Variants in NYAP1 observed in about 807,000 individuals in gnomAD.
The protein encoded by NYAP1 is neuronal tyrosine phosphorylated phosphoinositide-3-kinase adaptor 1.
NYAP1 carries 20 observed loss-of-function variants against 58.6 expected under a neutral mutation model. The observed-to-expected ratio is 0.34, with a 90% CI of 0.24 to 0.50. The LOEUF is 0.50. NYAP1 is among the 20% of genes least tolerant of loss of function. The probability of loss-of-function intolerance (pLI) is 0.98; values close to 1 mark genes in which losing one functional copy is unlikely to be tolerated. For missense variants in NYAP1, 1,150 were observed against 1,194.5 expected, an observed-to-expected ratio of 0.96 and a Z score of 0.55; for synonymous variants, 572 against 523.1, an observed-to-expected ratio of 1.09 and a Z score of -1.27.
chr7:100,490,765 C>T lies in NYAP1; in HGVS notation c.2158+36C>T. ...CTGCACACACCTGTGCACAGCGGGGCTGGCTGGGGGATCTCCCGGGGTCTA... is the reference window on the plus strand; with the variant it reads ...CTGCACACACCTGTGCACAGCGGGGTTGGCTGGGGGATCTCCCGGGGTCTA... On this transcript the variant is annotated intron_variant, in intron 5 of 6. Coordinates refer to ENST00000300179, the MANE Select transcript of NYAP1 (RefSeq NM_173564.4). This position sits in a 1 kb window ranked among gnomAD's most constrained non-coding sequence, Gnocchi z 4.6. 4 of 1,461,044 alleles carry T rather than the reference C, an allele frequency of 2.7e-6. No homozygotes were observed. The highest frequency in any genetic ancestry group is 3.6e-6 in the Non-Finnish European group (4 of 1,100,046). The allele number at this position is 1,461,044 out of a possible 1,614,324, so 90.5% of individuals were successfully genotyped here.
Position 100,488,597 on chromosome 7 carries a change from T to C in NYAP1, c.876T>C (p.Pro292=). 1.9e-6 allele frequency: 3 copies of C among 1,610,720 alleles called. No individual in the cohort carries two copies. Among genetic ancestry groups the C allele is most frequent in the Non-Finnish European group, 2.5e-6 (3 of 1,179,084 alleles). The change falls in exon 4 of 7, where the codon CCT becomes CCC. Residue 292 remains proline, a synonymous_variant. Transcript: ENST00000300179. The surrounding 1 kb of genome is among the most constrained non-coding windows in gnomAD (Gnocchi z 5.9). ...PLTATSPPQQ[P]HALPPHAHRR... ...CGGCAACATCCCCGCCACAACAGCCTCACGCCCTTCCGCCCCATGCCCACC... is the reference window on the plus strand; with the variant it reads ...CGGCAACATCCCCGCCACAACAGCCCCACGCCCTTCCGCCCCATGCCCACC...
At position 100,487,019 on chromosome 7, in the gene NYAP1, C is replaced by G. The variant is rs756607233; in HGVS notation, c.267C>G (p.Gly89=). Residue 89 remains glycine, a synonymous_variant, in exon 3 of 7, where the codon GGC becomes GGG. Coordinates refer to ENST00000300179, the MANE Select transcript of NYAP1 (RefSeq NM_173564.4). The surrounding 1 kb of genome is among the most constrained non-coding windows in gnomAD (Gnocchi z 4.1). ...APRSLSCHSV[G]SMDSVGGGPG... is the part of the protein sequence containing the mutation. ...GCTCCCTCTCCTGCCACTCGGTGGG[C>G]AGCATGGACAGTGTCGGGGGTGGCC... The G allele has an allele frequency of 6.2e-7, 1 of 1,608,222 alleles. No homozygotes were observed.
rs199772550 is a variant in NYAP1 at position 100,489,435 on chromosome 7, G to T, written c.1714G>T (p.Val572Leu). 177 of 1,612,832 alleles carry T rather than the reference G, an allele frequency of 1.1e-4. 2 individuals carry two copies. The highest frequency in any genetic ancestry group is 3.3e-5 in the Admixed American group (2 of 59,974). ...PAYESLKAGG[V>L]LNKGCGVGAP... Reference sequence around the variant, plus strand: ...CTATGAGAGCCTCAAGGCTGGGGGGGTGCTGAATAAGGGCTGTGGTGTGGG... The same window carrying T: ...CTATGAGAGCCTCAAGGCTGGGGGGTTGCTGAATAAGGGCTGTGGTGTGGG... The change falls in exon 4 of 7, where the codon GTG (valine) becomes TTG (leucine). Residue 572 changes from valine (V) to leucine (L), a missense_variant. By Grantham distance (32) the Val-to-Leu change is conservative. Transcript: ENST00000300179.
At chr7:100,492,286 A>G (rs983997291) in intron 6 of NYAP1, among the ~76,000 whole-genome samples, 1 of 150,876 alleles carries the variant, frequency 6.6e-6, no homozygotes, top group African/African-American at 2.4e-5. Flanking sequence ...GCCAGCGCAG[A>G]CAGCGGGAAC....
Position 100,485,527 on chromosome 7 carries a change from A to G in NYAP1, c.68+148A>G, listed in dbSNP as rs1003029772. 20 of 650,382 alleles carry G rather than the reference A, an allele frequency of 3.1e-5. No individual in the cohort carries two copies. Among genetic ancestry groups the G allele is most frequent in the Non-Finnish European group, 3.3e-5 (12 of 366,056 alleles). 40.3% of individuals were successfully genotyped at this position (650,382 alleles called of 1,614,324 possible). On this transcript the variant is annotated intron_variant, in intron 2 of 6. Transcript: ENST00000300179. This position sits in a 1 kb window ranked among gnomAD's most constrained non-coding sequence, Gnocchi z 5.7. ...GTACGGAATGGCCAGGATTGCACAC[A>G]CTGTCCTGGCCCAACTCCTGCTCTC...
rs1469590034 is a variant in NYAP1 at position 100,490,666 on chromosome 7, G to A, written c.2095G>A (p.Gly699Arg). The change falls in exon 5 of 7, where the codon GGA becomes AGA. Residue 699 changes from glycine to arginine, a missense_variant. Gly to Arg is a moderately radical substitution (Grantham distance 125). Transcript: ENST00000300179. The surrounding 1 kb of genome is among the most constrained non-coding windows in gnomAD (Gnocchi z 4.6). Reference protein sequence around the residue: ...LLARIHHGDRGGSRTALPIPC... With the variant: ...LLARIHHGDRRGSRTALPIPC... ...GGCCAGGATCCACCATGGAGACCGA[G>A]GAGGGAGCCGCACCGCGCTGCCCAT... The A allele has an allele frequency of 1.3e-6, 2 of 1,562,138 alleles. No individual in the cohort carries two copies. Among genetic ancestry groups the A allele is most frequent in the Admixed American group, 3.9e-5 (2 of 51,698 alleles).
rs1156555905 is a variant in NYAP1, at chr7:100,488,280, C to G, written c.559C>G (p.Arg187Gly). ...DESCPPGPSP[R>G]GGNLPLQRLT... ...GTCCTGCCCCCCAGGCCCCTCTCCT[C>G]GAGGGGGGAACCTGCCTCTTCAGCG... Residue 187 changes from arginine to glycine, a missense_variant, in exon 4 of 7, where the codon CGA (arginine) becomes GGA (glycine). Arg to Gly is a moderately radical substitution (Grantham distance 125, BLOSUM62 -2). Coordinates refer to ENST00000300179, the MANE Select transcript of NYAP1 (RefSeq NM_173564.4). The surrounding 1 kb of genome is among the most constrained non-coding windows in gnomAD (Gnocchi z 5.9). The G allele has an allele frequency of 6.2e-7, 1 of 1,613,716 alleles. No homozygotes were observed. The highest frequency in any genetic ancestry group is 8.5e-7 in the Non-Finnish European group (1 of 1,179,820).
intron 6 of NYAP1, among the ~76,000 whole-genome samples, chr7:100,491,394 C>T (rs60478351): frequency 0.21 from 31,150 of 151,898 alleles, 3,404 homozygotes; most frequent in African/African-American, 0.26. Context: ...CCCAGGAGGT[C>T]GAGACCAGCC....
rs1035637400 is a variant in NYAP1 at position 100,488,205 on chromosome 7, C to A, written c.484C>A (p.Gln162Lys). Reference protein sequence around the residue: ...GRESSRKVPPQKPRRSPNTQL... With the variant: ...GRESSRKVPPKKPRRSPNTQL... ...AGAGTCCAGCCGGAAGGTTCCTCCG[C>A]AGAAGCCCAGGCGAAGCCCTAACAC... Residue 162 changes from glutamine to lysine, a missense_variant, in exon 4 of 7, where the codon CAG becomes AAG. Gln to Lys is a moderately conservative substitution (Grantham distance 53). Coordinates refer to ENST00000300179, the MANE Select transcript of NYAP1 (RefSeq NM_173564.4). The surrounding 1 kb of genome is among the most constrained non-coding windows in gnomAD (Gnocchi z 5.9). The A allele has an allele frequency of 8.1e-6, 13 of 1,612,626 alleles. No individual in the cohort carries two copies. Among genetic ancestry groups the A allele is most frequent in the Non-Finnish European group, 1.1e-5 (13 of 1,179,460 alleles).
At position 100,485,409 on chromosome 7, in the gene NYAP1, C is replaced by T; in HGVS notation, c.68+30C>T. 2 of 1,534,334 alleles carry T rather than the reference C, an allele frequency of 1.3e-6. No individual in the cohort carries two copies. The highest frequency in any genetic ancestry group is 1.8e-6 in the Non-Finnish European group (2 of 1,124,116). ...GGCTGCACCCCAGACTGCTCCCTTCCCTTCCGCACCTCTGCCTGCCCCCTC... is the reference window on the plus strand; with the variant it reads ...GGCTGCACCCCAGACTGCTCCCTTCTCTTCCGCACCTCTGCCTGCCCCCTC... On this transcript the variant is annotated intron_variant, in intron 2 of 6. Coordinates refer to ENST00000300179, the MANE Select transcript of NYAP1 (RefSeq NM_173564.4). The surrounding 1 kb of genome is among the most constrained non-coding windows in gnomAD (Gnocchi z 5.7).
rs1799692022 is a variant in NYAP1, at chr7:100,485,493, TCA to T, written c.68+115_68+116del. ...CTTGTCATGAGTGAGCTCTCTGATC[TCA>T]GAGTCAGTACGGAATGGCCAGGATT... On this transcript the variant is annotated intron_variant, in intron 2 of 6. Coordinates refer to ENST00000300179, the MANE Select transcript of NYAP1 (RefSeq NM_173564.4). The surrounding 1 kb of genome is among the most constrained non-coding windows in gnomAD (Gnocchi z 5.7). The T allele has an allele frequency of 6.5e-6, 5 of 771,196 alleles. No individual in the cohort carries two copies. Among genetic ancestry groups the T allele is most frequent in the Non-Finnish European group, 6.6e-6 (3 of 457,918 alleles). 47.8% of individuals were successfully genotyped at this position (771,196 alleles called of 1,614,324 possible).
chr7:100,484,675 C>T (rs1799681628), intron 1 of NYAP1, among the ~76,000 whole-genome samples: 2 of 152,120 alleles, frequency 1.3e-5, no homozygotes, highest in African/African-American at 2.4e-5. Flanking sequence ...ACCATCTCCC[C>T]TTTTCCCAGT....
rs981502252 is a variant in NYAP1, at chr7:100,485,254, C to G, written c.-58C>G. 3 of 1,095,700 alleles carry G rather than the reference C, an allele frequency of 2.7e-6. No individual in the cohort carries two copies. The African/African-American group carries it at 4.7e-5, about 17-fold the overall frequency. The allele number at this position is 1,095,700 out of a possible 1,614,324, so 67.9% of individuals were successfully genotyped here. A position where few individuals can be genotyped will look rare whatever the true frequency, so the allele number is the denominator to read the frequency against. ...GGATCCGGGACCCAGGGAGGGCCGC[C>G]CCCCGGGCCTGGTGGCACTGAGCAG... is the stretch of plus-strand genomic sequence containing the variant. On this transcript the variant is annotated 5_prime_UTR_variant, in exon 2 of 7. Transcript: ENST00000300179. This position sits in a 1 kb window ranked among gnomAD's most constrained non-coding sequence, Gnocchi z 5.7.
At position 100,493,876 on chromosome 7, in the gene NYAP1, C is replaced by G. The variant is rs1288889827; in HGVS notation, c.2499C>G (p.His833Gln). Reference sequence around the variant, plus strand: ...GCACCCCGCCCTGCCGCCGGCAGCACACGGTCCTCTGGGACACCGCCATCT... The same window carrying G: ...GCACCCCGCCCTGCCGCCGGCAGCAGACGGTCCTCTGGGACACCGCCATCT... ...KSGTPPCRRQ[H>Q]TVLWDTAI The change falls in exon 7 of 7, where the codon CAC becomes CAG. Residue 833 changes from histidine (H) to glutamine (Q), a missense_variant. Transcript: ENST00000300179. 7.9e-6 allele frequency: 12 copies of G among 1,513,060 alleles called. No homozygotes were observed. Among genetic ancestry groups the G allele is most frequent in the Non-Finnish European group, 9.7e-6 (11 of 1,134,424 alleles). The allele number at this position is 1,513,060 out of a possible 1,614,324, so 93.7% of individuals were successfully genotyped here.
intron 1 of NYAP1, among the ~76,000 whole-genome samples, chr7:100,484,536 A>C (rs1799679409): frequency 6.6e-6 from 1 of 152,098 alleles, no homozygotes. Context: ...GGGGGAAGGC[A>C]GGCAGTGGAG....
In NYAP1 at chr7:100,489,029, G is replaced by A. The variant is rs1041164228; in HGVS notation, c.1308G>A (p.Ala436=). The A allele has an allele frequency of 2.5e-5, 39 of 1,548,498 alleles. No homozygotes were observed. The highest frequency in any genetic ancestry group is 3.2e-5 in the Non-Finnish European group (37 of 1,152,302). ...ACAGCATGATCTGCCCTAAGGCGGC[G>A]GGGGCGCCGGCAGCCCCCCCTGCCC... ...NSHSMICPKA[A]GAPAAPPAPA... The change falls in exon 4 of 7, where the codon GCG becomes GCA. Residue 436 remains alanine, a synonymous_variant. Coordinates refer to ENST00000300179, the MANE Select transcript of NYAP1 (RefSeq NM_173564.4).
rs1799713225 is a variant in NYAP1, at chr7:100,487,004, C to T, written c.252C>T (p.Ser84=). Residue 84 remains serine, a synonymous_variant, in exon 3 of 7, where the codon TCC becomes TCT. Coordinates refer to ENST00000300179, the MANE Select transcript of NYAP1 (RefSeq NM_173564.4). This position sits in a 1 kb window ranked among gnomAD's most constrained non-coding sequence, Gnocchi z 4.1. The part of the protein sequence containing the change: ...CRSAMAPRSL[S]CHSVGSMDSV... ...GCGCCATGGCCCCACGCTCCCTCTC[C>T]TGCCACTCGGTGGGCAGCATGGACA... 1.9e-6 allele frequency: 3 copies of T among 1,609,586 alleles called. No individual in the cohort carries two copies. The highest frequency in any genetic ancestry group is 2.5e-6 in the Non-Finnish European group (3 of 1,178,288).
Position 100,487,438 on chromosome 7 carries a change from C to T in NYAP1, c.430+256C>T, listed in dbSNP as rs1220314911. On this transcript the variant is annotated intron_variant, in intron 3 of 6. Coordinates refer to ENST00000300179, the MANE Select transcript of NYAP1 (RefSeq NM_173564.4). This position sits in a 1 kb window ranked among gnomAD's most constrained non-coding sequence, Gnocchi z 4.1. ...ACAATGAAGGTAGGAGCTGCGAATTCTGGAGAATACGTTAGAAAGACTGAG... is the reference window on the plus strand; with the variant it reads ...ACAATGAAGGTAGGAGCTGCGAATTTTGGAGAATACGTTAGAAAGACTGAG... Among the ~76,000 whole-genome samples, 1 of 151,952 alleles carries T rather than the reference C, an allele frequency of 6.6e-6. No individual in the cohort carries two copies. The highest frequency in any genetic ancestry group is 6.5e-5 in the Admixed American group (1 of 15,276).
chr7:100,491,555 C>G (rs1171783552), intron 6 of NYAP1, among the ~76,000 whole-genome samples: 2 of 151,714 alleles, frequency 1.3e-5, no homozygotes, highest in Non-Finnish European at 2.9e-5. Context: ...CATGATCACG[C>G]TACTGCGTTC....
Sources: gnomAD v4.1 joint callset for allele counts (sites outside exome capture counted in the v4.1 genomes callset) on GRCh38, gnomAD v4.1.1 for gene constraint, Gnocchi (gnomAD v3.1) non-coding constraint, MANE v1.5 for transcripts, NCBI Gene and HGNC (gene_info 2026-07-23, HGNC 2026-07-21) for gene names.